The following EFHD1 variants were observed in gnomAD, a reference collection of about 807,000 sequenced individuals.
EFHD1 encodes the protein EF-hand domain-containing protein D1.
In EFHD1, 10 loss-of-function variants were observed where a neutral mutation model predicts 17.2. The observed-to-expected ratio is 0.58, with a 90% CI of 0.36 to 0.99. EFHD1 has a LOEUF of 0.99. Ranked by LOEUF, EFHD1 falls within the 50% of genes least tolerant of loss-of-function variation. EFHD1 has a pLI of 0.01. For missense variants in EFHD1, 310 were observed against 327.5 expected (o/e 0.95, Z 0.41); for synonymous variants, 153 against 142.0 (o/e 1.08, Z -0.55).
At chr2:232,636,213 T>C (rs1227674520) in intron 1 of EFHD1, among the ~76,000 whole-genome samples, 1 of 152,178 alleles carries the variant, frequency 6.6e-6, no homozygotes, top group East Asian at 1.9e-4. Flanking sequence ...TGGATTACCT[T>C]CCAGATTTTA....
chr2:232,626,163 G>T (rs976047339), intron 1 of EFHD1, among the ~76,000 whole-genome samples: 3 of 152,070 alleles, frequency 2.0e-5, no homozygotes, highest in Non-Finnish European at 4.4e-5. Flanking sequence ...CCGCACTCCA[G>T]CCTGGGTGAC....
intron 2 of EFHD1, among the ~76,000 whole-genome samples, chr2:232,667,701 C>T (rs994354056): frequency 2.0e-4 from 31 of 152,042 alleles, no homozygotes; most frequent in African/African-American, 2.4e-4. Context: ...TACAAGCATG[C>T]GGCACCACAC....
At chr2:232,651,476 G>A (rs961011415) in intron 1 of EFHD1, among the ~76,000 whole-genome samples, 1 of 152,168 alleles carries the variant, frequency 6.6e-6, no homozygotes, top group Non-Finnish European at 1.5e-5. Flanking sequence ...GCAGTTGCTT[G>A]GAGAACCTTC....
At chr2:232,624,867 G>A (rs1404619810) in intron 1 of EFHD1, among the ~76,000 whole-genome samples, 1 of 152,134 alleles carries the variant, frequency 6.6e-6, no homozygotes, top group Non-Finnish European at 1.5e-5. Context: ...TCAATTCACT[G>A]TTAGACCCCC....
chr2:232,635,914 T>C (rs887093171), intron 1 of EFHD1, among the ~76,000 whole-genome samples: 1 of 151,868 alleles, frequency 6.6e-6, no homozygotes, highest in Admixed American at 6.6e-5. Flanking sequence ...TCTTTCTAGG[T>C]TGAGTTTTCT....
At chr2:232,615,312 A>AGTGTGT (rs35239145) in intron 1 of EFHD1, among the ~76,000 whole-genome samples, 15,676 of 136,276 alleles carry the variant, frequency 0.12, 918 homozygotes, top group South Asian at 0.16. Flanking sequence ...TGTCAACTAT[A>AGTGTGT]GTGTGTGTGT....
chr2:232,653,588 C>T (rs905505394), intron 1 of EFHD1, among the ~76,000 whole-genome samples: 1 of 152,222 alleles, frequency 6.6e-6, no homozygotes, highest in African/African-American at 2.4e-5. Context: ...CCGCTCCCGG[C>T]CTGTGGTAGC....
chr2:232,653,114 C>T (rs1397071675), intron 1 of EFHD1, among the ~76,000 whole-genome samples: 3 of 152,068 alleles, frequency 2.0e-5, no homozygotes, highest in Non-Finnish European at 2.9e-5. Flanking sequence ...CTGCCTCAGC[C>T]TCCTGAGTAG....
chr2:232,650,546 G>A (rs1458064193), intron 1 of EFHD1, among the ~76,000 whole-genome samples: 3 of 62,182 alleles, frequency 4.8e-5, no homozygotes, highest in Non-Finnish European at 8.9e-5. Context: ...CACCCGCCTC[G>A]GCCTCCCAAA....
chr2:232,674,827 C>T (rs898573101), intron 3 of EFHD1, among the ~76,000 whole-genome samples: 1 of 151,948 alleles, frequency 6.6e-6, no homozygotes. Flanking sequence ...GCGTTGTGAT[C>T]GTGGGAACAC....
At chr2:232,677,208 A>ACACT (rs1491528825) in intron 3 of EFHD1, among the ~76,000 whole-genome samples, 4 of 6,876 alleles carry the variant, frequency 5.8e-4, no homozygotes, top group East Asian at 0.024. Flanking sequence ...CCCCATCTCT[A>ACACT]CACACACACA....
chr2:232,633,395 A>C (rs1574708750), upstream of EFHD1: 4 of 1,094,642 alleles, frequency 3.7e-6, no homozygotes, highest in Non-Finnish European at 4.5e-6. Flanking sequence ...TCCCGGGGGG[A>C]CGGTCAGCCT....
Position 232,613,062 on chromosome 2 carries a change from T to C in EFHD1, c.14+6889T>C, listed in dbSNP as rs573621574. Among the ~76,000 whole-genome samples, 261 of 151,900 alleles carry C rather than the reference T, an allele frequency of 1.7e-3. 1 individual carries two copies. Among genetic ancestry groups the C allele is most frequent in the Admixed American group, 2.8e-3 (42 of 15,218 alleles). On this transcript the variant is annotated intron_variant, in intron 1 of 3. Coordinates refer to the EFHD1 transcript ENST00000409613. Reference sequence around the variant, plus strand: ...TCTTTAAAAAATTGAAATGTAACATTTAGAGCATACACTATCCCATTCCTA... The same window carrying C: ...TCTTTAAAAAATTGAAATGTAACATCTAGAGCATACACTATCCCATTCCTA...
At chr2:232,663,093 C>G (rs1222462053) in intron 2 of EFHD1, 144 bp downstream of exon 2, 4 of 978,392 alleles carry the variant, frequency 4.1e-6, no homozygotes, top group African/African-American at 1.7e-5. Context: ...TCAAAAATAC[C>G]TTTTAGGTGA....
chr2:232,681,651 C>G lies in EFHD1; in HGVS notation c.652C>G (p.Arg218Gly). ...GAAAGCTGAGCAAGATGAGCGGAAGCGGGAGGAGGAGGAGAGGCGGCTCCG... is the reference window on the plus strand; with the variant it reads ...GAAAGCTGAGCAAGATGAGCGGAAGGGGGAGGAGGAGGAGAGGCGGCTCCG... ...ELKAEQDERK[R>G]EEEERRLRQA... The change falls in exon 4 of 4, where the codon CGG becomes GGG. Residue 218 changes from arginine to glycine, a missense_variant. Coordinates refer to ENST00000264059, the MANE Select transcript of EFHD1 (RefSeq NM_025202.4). The G allele has an allele frequency of 6.2e-7, 1 of 1,614,232 alleles. No individual in the cohort carries two copies. Among genetic ancestry groups the G allele is most frequent in the Non-Finnish European group, 8.5e-7 (1 of 1,180,050 alleles).
chr2:232,662,151 C>G (rs998054666), intron 1 of EFHD1, among the ~76,000 whole-genome samples: 2 of 151,944 alleles, frequency 1.3e-5, no homozygotes, highest in African/African-American at 4.8e-5. Context: ...TGTTTCCTGG[C>G]TGGGGGCTGG....
chr2:232,673,395 G>A (rs1259482390), intron 3 of EFHD1, among the ~76,000 whole-genome samples: 1 of 152,216 alleles, frequency 6.6e-6, no homozygotes, highest in Admixed American at 6.5e-5. Flanking sequence ...TCTAGTTGAA[G>A]TAGGTTTGAG....
chr2:232,648,515 G>A (rs1358559286), intron 1 of EFHD1, among the ~76,000 whole-genome samples: 1 of 152,124 alleles, frequency 6.6e-6, no homozygotes, highest in Non-Finnish European at 1.5e-5. Context: ...AGGGATGTAG[G>A]GAGAGGGACT....
chr2:232,679,894 G>A (rs1695245551), intron 3 of EFHD1, among the ~76,000 whole-genome samples: 1 of 152,132 alleles, frequency 6.6e-6, no homozygotes, highest in South Asian at 2.1e-4. Context: ...GCAAGGTTGT[G>A]GGGAAATGAG....
Sources: gnomAD v4.1 joint callset for allele counts (sites outside exome capture counted in the v4.1 genomes callset) on GRCh38, gnomAD v4.1.1 for gene constraint, MANE v1.5 for transcripts, NCBI Gene and HGNC (gene_info 2026-07-23, HGNC 2026-07-21) for gene names.